POLN: variants seen among roughly 807,000 people sequenced by gnomAD.
POLN encodes the protein DNA polymerase nu, also known as DNA polymerase N.
Under a neutral mutation model 113.5 loss-of-function variants are expected in POLN, and 108 were observed. The observed-to-expected ratio is 0.95, with a 90% CI of 0.81 to 1.12. The LOEUF is 1.12. Among genes scored for constraint, POLN ranks in the 50% most tolerant of loss-of-function variants. The probability of loss-of-function intolerance (pLI) is 0.00; values close to 1 mark genes in which losing one functional copy is unlikely to be tolerated. For synonymous variants in POLN, 386 were observed against 391.5 expected, an observed-to-expected ratio of 0.99 and a Z score of 0.17; for missense variants, 1,097 against 1,077.1, an observed-to-expected ratio of 1.02 and a Z score of -0.26.
chr4:2,210,630 T>TAAA (rs550506550), intron 4 of POLN, among the ~76,000 whole-genome samples: 1,030 of 88,582 alleles, frequency 0.012, 8 homozygotes, highest in African/African-American at 0.027. Context: ...ATAATAATAA[T>TAAA]AAAAAAAAGA....
At chr4:2,082,492 C>A (rs1730445186) in intron 21 of POLN, among the ~76,000 whole-genome samples, 1 of 152,182 alleles carries the variant, frequency 6.6e-6, no homozygotes, top group Admixed American at 6.5e-5. Flanking sequence ...GAAGTGTATG[C>A]AATTTGGGGG....
chr4:2,215,032 A>C (rs528480200), intron 3 of POLN, among the ~76,000 whole-genome samples: 8 of 152,084 alleles, frequency 5.3e-5, no homozygotes, highest in Non-Finnish European at 1.0e-4. Flanking sequence ...CTAACCAAAT[A>C]ATCTCACTCT....
At chr4:2,102,954 C>T (rs1439820240) in intron 19 of POLN, among the ~76,000 whole-genome samples, 1 of 152,148 alleles carries the variant, frequency 6.6e-6, no homozygotes, top group Non-Finnish European at 1.5e-5. Context: ...AAATAAGAAG[C>T]AGCAACTGTT....
At chr4:2,151,325 G>A (rs1561043717) in intron 16 of POLN, among the ~76,000 whole-genome samples, 1 of 152,184 alleles carries the variant, frequency 6.6e-6, no homozygotes, top group Non-Finnish European at 1.5e-5. Flanking sequence ...AATGCTGCTA[G>A]GAGTGTAAAA....
intron 7 of POLN, among the ~76,000 whole-genome samples, chr4:2,182,294 A>G (rs1310896573): frequency 6.6e-6 from 1 of 152,228 alleles, no homozygotes; most frequent in East Asian, 1.9e-4. Context: ...TCTTGAGATG[A>G]GATCATCTTA....
At chr4:2,106,637 A>G (rs1177651248) in intron 19 of POLN, among the ~76,000 whole-genome samples, 1 of 152,208 alleles carries the variant, frequency 6.6e-6, no homozygotes, top group Non-Finnish European at 1.5e-5. Flanking sequence ...ATTATTTAAC[A>G]GATCCTTTGA....
intron 16 of POLN, among the ~76,000 whole-genome samples, chr4:2,144,543 T>C (rs1292890045): frequency 2.0e-5 from 3 of 152,150 alleles, no homozygotes; most frequent in Admixed American, 2.0e-4. Flanking sequence ...AAAATGCTAG[T>C]TCTTCAAACA....
rs143751494 is a variant in POLN at position 2,175,575 on chromosome 4, C to T, written c.1248+691G>A. Among the ~76,000 whole-genome samples the T allele has an allele frequency of 5.7e-3, 861 of 152,330 alleles. 11 individuals carry two copies. Among genetic ancestry groups the T allele is most frequent in the Non-Finnish European group, 6.6e-3 (449 of 68,038 alleles). ...CTGAGAGCATGGAATCTCTATTTAT[C>T]CGGGCCTTCCTGTGTTCTTCATGAG... On this transcript the variant is annotated intron_variant, in intron 9 of 25. Transcript: ENST00000511885.
At chr4:2,204,633 AC>A (rs1733801116) in intron 5 of POLN, among the ~76,000 whole-genome samples, 1 of 152,182 alleles carries the variant, frequency 6.6e-6, no homozygotes, top group Non-Finnish European at 1.5e-5. Flanking sequence ...AAAGGATACC[AC>A]CAAAAGAGAA....
chr4:2,090,242 C>CCTCTTGTTCTGG, intron 20 of POLN: 3 of 800,210 alleles, frequency 3.7e-6, no homozygotes, highest in East Asian at 4.9e-5. Flanking sequence ...TCAAATTCTA[C>CCTCTTGTTCTGG]ATGCTATCTT....
At chr4:2,159,362 G>A (rs1732521071) in intron 13 of POLN, 151 bp from the exon 14 acceptor site, 2 of 663,948 alleles carry the variant, frequency 3.0e-6, no homozygotes, top group Non-Finnish European at 5.1e-6. Flanking sequence ...TTTATCAAGT[G>A]TCTTAATCCT....
intron 2 of POLN, among the ~76,000 whole-genome samples, chr4:2,233,310 T>C (rs1466659582): frequency 6.6e-6 from 1 of 152,138 alleles, no homozygotes; most frequent in Non-Finnish European, 1.5e-5. Context: ...TTCAGCTTCA[T>C]TAATAATAGA....
chr4:2,099,307 T>TA (rs1730869491), intron 19 of POLN, among the ~76,000 whole-genome samples: 1 of 152,136 alleles, frequency 6.6e-6, no homozygotes, highest in African/African-American at 2.4e-5. Flanking sequence ...ACCTGACAAA[T>TA]ACGCTGTCAC....
In POLN at chr4:2,216,926, G is replaced by A. The variant is rs73796970; in HGVS notation, c.134-3800C>T. Reference sequence around the variant, plus strand: ...CATGCACAGCATCTACCCACCCCATGATTACTCCATGAGAGAGCCCAGTGT... The same window carrying A: ...CATGCACAGCATCTACCCACCCCATAATTACTCCATGAGAGAGCCCAGTGT... On this transcript the variant is annotated intron_variant, in intron 3 of 25. Transcript: ENST00000511885. 2.1e-3 allele frequency among the ~76,000 whole-genome samples: 327 copies of A among 152,328 alleles called. 1 individual carries two copies. Among genetic ancestry groups the A allele is most frequent in the African/African-American group, 7.4e-3 (309 of 41,584 alleles).
At chr4:2,080,136 G>GA (rs1730369682) in intron 23 of POLN, 1 of 985,690 alleles carries the variant, frequency 1.0e-6, no homozygotes, top group South Asian at 4.7e-5. Context: ...TTAGCTCCCA[G>GA]AAGGGGCTCC....
chr4:2,182,009 A>G (rs1733155326), intron 7 of POLN, among the ~76,000 whole-genome samples: 1 of 152,054 alleles, frequency 6.6e-6, no homozygotes, highest in Non-Finnish European at 1.5e-5. Context: ...CAAAAAAAAA[A>G]AAAAAGATGA....
intron 5 of POLN, 48 bp from the exon 6 acceptor site, chr4:2,198,765 G>T: frequency 6.8e-7 from 1 of 1,469,962 alleles, no homozygotes; most frequent in Non-Finnish European, 9.2e-7. Context: ...CATATCTGTT[G>T]TAGAAAGACA....
chr4:2,214,846 T>C (rs1311707631), intron 3 of POLN, among the ~76,000 whole-genome samples: 1 of 152,040 alleles, frequency 6.6e-6, no homozygotes, highest in Non-Finnish European at 1.5e-5. Context: ...AAACTTAGGA[T>C]ATGTGTGCTG....
chr4:2,137,628 C>G (rs1409266977), intron 16 of POLN, among the ~76,000 whole-genome samples: 1 of 151,960 alleles, frequency 6.6e-6, no homozygotes, highest in Non-Finnish European at 1.5e-5. Flanking sequence ...ACTCCCGTGG[C>G]CCCCCTCACC....
Sources: gnomAD v4.1 joint callset for allele counts (sites outside exome capture counted in the v4.1 genomes callset) on GRCh38, gnomAD v4.1.1 for gene constraint, MANE v1.5 for transcripts, NCBI Gene and HGNC (gene_info 2026-07-23, HGNC 2026-07-21) for gene names.